NRXN3: variants seen among roughly 807,000 people sequenced by gnomAD.
NRXN3 encodes neurexin 3.
A neutral mutation model predicts 137.6 loss-of-function variants in NRXN3; 32 were observed. The ratio of observed to expected loss-of-function variants is 0.23; its 90% confidence interval spans 0.18 to 0.31. The LOEUF (loss-of-function observed/expected upper bound fraction) is 0.31. NRXN3 is among the 10% of genes least tolerant of loss of function. NRXN3 has a pLI of 1.00. For synonymous variants in NRXN3, 798 were observed against 784.5 expected, an observed-to-expected ratio of 1.02 and a Z score of -0.29; for missense variants, 1,574 against 2,062.5, an observed-to-expected ratio of 0.76 and a Z score of 4.59.
intron 14 of NRXN3, among the ~76,000 whole-genome samples, chr14:78,980,516 C>G (rs1342093453): frequency 1.3e-5 from 2 of 152,170 alleles, no homozygotes; most frequent in Admixed American, 6.5e-5. Context: ...AAAAAATACT[C>G]TATCAACTTT....
intron 17 of NRXN3, among the ~76,000 whole-genome samples, chr14:79,690,987 A>G (rs1057044180): frequency 6.6e-6 from 1 of 152,092 alleles, no homozygotes; most frequent in African/African-American, 2.4e-5. Context: ...CCAAGTTGCA[A>G]TATAGGCCTA....
chr14:78,615,708 G>A (rs1196595992), intron 4 of NRXN3, among the ~76,000 whole-genome samples: 2 of 152,134 alleles, frequency 1.3e-5, no homozygotes, highest in Non-Finnish European at 1.5e-5. Flanking sequence ...GCCAAAGTGG[G>A]AGGATTGCTT....
chr14:79,163,204 T>A (rs767546387), intron 15 of NRXN3, among the ~76,000 whole-genome samples: 1 of 151,968 alleles, frequency 6.6e-6, no homozygotes, highest in Non-Finnish European at 1.5e-5. Context: ...GGAGCAATTA[T>A]AGTCTATGCT....
chr14:79,806,422 G>A (rs1275989164), intron 20 of NRXN3, among the ~76,000 whole-genome samples: 1 of 152,092 alleles, frequency 6.6e-6, no homozygotes, highest in Non-Finnish European at 1.5e-5. Context: ...TATGACACAG[G>A]GACACATCAT....
Position 78,470,691 on chromosome 14 carries a change from G to T in NRXN3, c.757+172831G>T, listed in dbSNP as rs903864068. On this transcript the variant is annotated intron_variant, in intron 4 of 20. Transcript: ENST00000335750. Reference sequence around the variant, plus strand: ...AAATAGTAAGATAGAAAAGAGAAGAGAAATGGAGATGGGGAGGAAATAAAG... The same window carrying T: ...AAATAGTAAGATAGAAAAGAGAAGATAAATGGAGATGGGGAGGAAATAAAG... 3.9e-5 allele frequency among the ~76,000 whole-genome samples: 6 copies of T among 152,032 alleles called. No individual in the cohort carries two copies. In the East Asian group the frequency reaches 1.2e-3, roughly 29 times the overall value.
At chr14:79,415,416 ACTTAAGTAT>A (rs113444730) in intron 15 of NRXN3, among the ~76,000 whole-genome samples, 6,773 of 152,190 alleles carry the variant, frequency 0.045, 448 homozygotes, top group East Asian at 0.16. Flanking sequence ...TGTATTAGGA[ACTTAAGTAT>A]CTTAAAGATG....
intron 15 of NRXN3, among the ~76,000 whole-genome samples, chr14:79,413,681 C>T (rs1022660084): frequency 2.6e-5 from 4 of 151,908 alleles, no homozygotes; most frequent in Non-Finnish European, 4.4e-5. Context: ...GTTCAAAAAT[C>T]GACTCATAAC....
At chr14:79,365,889 C>A (rs2093875459) in intron 15 of NRXN3, among the ~76,000 whole-genome samples, 1 of 151,854 alleles carries the variant, frequency 6.6e-6, no homozygotes, top group African/African-American at 2.4e-5. Context: ...ATTGATATTT[C>A]TGTGAAAGAG....
intron 20 of NRXN3, among the ~76,000 whole-genome samples, chr14:79,809,398 C>T (rs1483013754): frequency 6.6e-6 from 1 of 152,156 alleles, no homozygotes; most frequent in Non-Finnish European, 1.5e-5. Context: ...TTCAGTCTCC[C>T]AAAGTGCTGG....
intron 5 of NRXN3, among the ~76,000 whole-genome samples, chr14:78,649,957 C>T (rs1203782325): frequency 5.9e-5 from 9 of 152,104 alleles, no homozygotes; most frequent in Non-Finnish European, 1.3e-4. Context: ...AATTTGTTTC[C>T]TCATTTTCCT....
chr14:79,416,833 A>C, intron 15 of NRXN3, among the ~76,000 whole-genome samples: 1 of 152,204 alleles, frequency 6.6e-6, no homozygotes, highest in East Asian at 1.9e-4. Context: ...ATTACATGGC[A>C]GTCCTTGGTT....
intron 5 of NRXN3, among the ~76,000 whole-genome samples, chr14:78,649,580 T>TA (rs1049247499): frequency 6.2e-5 from 9 of 144,262 alleles, no homozygotes; most frequent in African/African-American, 2.3e-4. Context: ...TTTTTTTTTT[T>TA]AAATCTCTAT....
chr14:79,760,063 C>CAT (rs1433577970), intron 19 of NRXN3, among the ~76,000 whole-genome samples: 7 of 151,562 alleles, frequency 4.6e-5, no homozygotes, highest in Non-Finnish European at 7.4e-5. Context: ...CTTTCAAATA[C>CAT]ATATATATAC....
chr14:79,714,066 G>A (rs1231283204), intron 19 of NRXN3, among the ~76,000 whole-genome samples: 1 of 152,054 alleles, frequency 6.6e-6, no homozygotes, highest in East Asian at 1.9e-4. Context: ...GTGCTAGTTG[G>A]TAGAAGCTGT....
intron 4 of NRXN3, among the ~76,000 whole-genome samples, chr14:78,423,532 T>A (rs1377557423): frequency 6.6e-6 from 1 of 152,186 alleles, no homozygotes; most frequent in Non-Finnish European, 1.5e-5. Flanking sequence ...AATCTGGTCC[T>A]TGGGTGGGCT....
intron 16 of NRXN3, among the ~76,000 whole-genome samples, chr14:79,535,489 T>G (rs192999444): frequency 4.6e-5 from 7 of 152,168 alleles, no homozygotes; most frequent in African/African-American, 1.7e-4. Flanking sequence ...TCTTTTCTTA[T>G]TTTTAAGTTT....
At position 78,404,598 on chromosome 14, in the gene NRXN3, G is replaced by A. The variant is rs1489237804; in HGVS notation, c.757+106738G>A. On this transcript the variant is annotated intron_variant, in intron 4 of 20. Coordinates refer to ENST00000335750, the MANE Select transcript of NRXN3 (RefSeq NM_001330195.2). ...TCTAGAATCTAACAGAAATCATAAT[G>A]TCACCCTGGAGATAATTATTATGCT... Among the ~76,000 whole-genome samples, 8 of 152,250 alleles carry A rather than the reference G, an allele frequency of 5.3e-5. No individual in the cohort carries two copies. The South Asian group carries it at 8.3e-4, about 16-fold the overall frequency.
rs375661614 is a variant in NRXN3 at position 79,593,783 on chromosome 14, A to T, written c.3445-69995A>T. 5.3e-5 allele frequency among the ~76,000 whole-genome samples: 8 copies of T among 152,320 alleles called. 1 individual carries two copies. The East Asian group carries it at 7.7e-4, about 15-fold the overall frequency. On this transcript the variant is annotated intron_variant, in intron 16 of 20. Coordinates refer to ENST00000335750, the MANE Select transcript of NRXN3 (RefSeq NM_001330195.2). The stretch of plus-strand genomic sequence containing the variant: ...ATAATTTTCAATTTGATGGATTCTT[A>T]TTTAAGCAGACTCATTATACTTTTT...
At chr14:78,523,565 C>T (rs1244270164) in intron 4 of NRXN3, among the ~76,000 whole-genome samples, 1 of 146,832 alleles carries the variant, frequency 6.8e-6, no homozygotes, top group East Asian at 2.0e-4. Flanking sequence ...TTTGGGAGGC[C>T]AAGGCGGGCG....
Sources: allele counts gnomAD v4.1 joint callset (sites outside exome capture counted in the v4.1 genomes callset), GRCh38; gene constraint gnomAD v4.1.1; transcripts MANE v1.5; gene names NCBI Gene and HGNC (gene_info 2026-07-23, HGNC 2026-07-21).